SGCD: variants seen among roughly 807,000 people sequenced by gnomAD.
The protein encoded by SGCD is sarcoglycan delta.
A neutral mutation model predicts 36.6 loss-of-function variants in SGCD; 18 were observed. The observed-to-expected ratio is 0.49, with a 90% CI of 0.34 to 0.73. SGCD has a LOEUF of 0.73. Ranked by LOEUF, SGCD falls within the 30% of genes least tolerant of loss-of-function variation. The pLI is 0.01. For synonymous variants in SGCD, 133 were observed against 130.6 expected (o/e 1.02, Z -0.12); for missense variants, 387 against 346.7 (o/e 1.12, Z -0.92).
chr5:156,756,617 A>C (rs1757344701), intron 7 of SGCD, among the ~76,000 whole-genome samples: 1 of 152,252 alleles, frequency 6.6e-6, no homozygotes. Context: ...TATATGAATT[A>C]GGCAAAAAGC....
chr5:156,254,328 C>G lies in SGCD; in HGVS notation c.-43-75206C>G, dbSNP rs528745458. On this transcript the variant is annotated intron_variant, in intron 3 of 9. Coordinates refer to the SGCD transcript ENST00000517913. ...CATGTTGGTGTGCTGCACCCATTAA[C>G]TTGTCATTTAACATTAGGTATATCT... Among the ~76,000 whole-genome samples, 13 of 152,272 alleles carry G rather than the reference C, an allele frequency of 8.5e-5. No individual in the cohort carries two copies. In the South Asian group the frequency reaches 2.1e-3, roughly 24 times the overall value.
At chr5:156,264,863 A>T (rs1008813876) in intron 3 of SGCD, among the ~76,000 whole-genome samples, 14 of 152,178 alleles carry the variant, frequency 9.2e-5, no homozygotes, top group African/African-American at 3.1e-4. Flanking sequence ...TTCAGTAGAC[A>T]TCAAGTAAAT....
chr5:156,603,520 A>G (rs1761286666), intron 6 of SGCD, among the ~76,000 whole-genome samples: 1 of 152,066 alleles, frequency 6.6e-6, no homozygotes. Flanking sequence ...TGCTTAATAT[A>G]AATCATTTTA....
chr5:156,172,834 A>G (rs1381933175), intron 3 of SGCD, among the ~76,000 whole-genome samples: 1 of 148,350 alleles, frequency 6.7e-6, no homozygotes, highest in Middle Eastern at 3.5e-3. Context: ...AATCTTTAGC[A>G]TGTATTCGTG....
chr5:156,417,318 C>G (rs552252935), intron 3 of SGCD, among the ~76,000 whole-genome samples: 6 of 152,226 alleles, frequency 3.9e-5, no homozygotes, highest in Non-Finnish European at 7.4e-5. Context: ...GCATACCTCT[C>G]TAGTCATTAA....
At chr5:156,516,333 A>G (rs1013908652) in intron 4 of SGCD, among the ~76,000 whole-genome samples, 1 of 152,246 alleles carries the variant, frequency 6.6e-6, no homozygotes, top group African/African-American at 2.4e-5. Context: ...GAAGGAGCAG[A>G]CAGCCGTCCT....
the SGCD span, among the ~76,000 whole-genome samples, chr5:155,835,499 C>T: frequency 6.6e-6 from 1 of 152,084 alleles, no homozygotes; most frequent in Admixed American, 6.5e-5. Flanking sequence ...GTGTGTAACA[C>T]ACACATGACT....
At chr5:155,814,605 G>A in the SGCD span, among the ~76,000 whole-genome samples, 16 of 152,126 alleles carry the variant, frequency 1.1e-4, no homozygotes, top group Admixed American at 4.6e-4. Flanking sequence ...ATATTTGAAT[G>A]AATAAATAGA....
At chr5:156,069,055 T>TTCTCCCATTC (rs1010375704) in intron 1 of SGCD, among the ~76,000 whole-genome samples, 10 of 152,166 alleles carry the variant, frequency 6.6e-5, no homozygotes, top group Admixed American at 4.6e-4. Flanking sequence ...TGCAAAAATT[T>TTCTCCCATTC]TCTCCCATTC....
rs1218744103 is a variant in SGCD, at chr5:156,153,250, G to C, written c.-44+29231G>C. On this transcript the variant is annotated intron_variant, in intron 3 of 9. Coordinates refer to the SGCD transcript ENST00000517913. ...TTTCAAAATCAAGTGAGTAAAAAAT[G>C]TTGTTTTTTTTTTTTTCCTGGGAAA... Among the ~76,000 whole-genome samples, 2 of 147,856 alleles carry C rather than the reference G, an allele frequency of 1.4e-5. 1 individual carries two copies. Among genetic ancestry groups the C allele is most frequent in the African/African-American group, 5.1e-5 (2 of 38,858 alleles).
chr5:156,263,357 T>C (rs1406487146), intron 3 of SGCD, among the ~76,000 whole-genome samples: 1 of 152,192 alleles, frequency 6.6e-6, no homozygotes, highest in Non-Finnish European at 1.5e-5. Context: ...ATTAGTGATA[T>C]TGAGCATTTT....
chr5:155,773,737 C>T, the SGCD span, among the ~76,000 whole-genome samples: 3 of 152,036 alleles, frequency 2.0e-5, no homozygotes, highest in Admixed American at 6.6e-5. Context: ...CTGAAAGAGA[C>T]AACATTTGGA....
In SGCD at chr5:156,050,369, A is replaced by G. The variant is rs771061470; in HGVS notation, c.-281-67509A>G. On this transcript the variant is annotated intron_variant, in intron 1 of 9. Transcript: ENST00000517913. Reference sequence around the variant, plus strand: ...GCTAGTTAGTGTTTTTTACTAATAAAGTATTCTTTAAATTATAAAGGGTAC... The same window carrying G: ...GCTAGTTAGTGTTTTTTACTAATAAGGTATTCTTTAAATTATAAAGGGTAC... Among the ~76,000 whole-genome samples the G allele has an allele frequency of 1.4e-5, 2 of 146,776 alleles. 1 individual carries two copies. The highest frequency in any genetic ancestry group is 3.1e-5 in the Non-Finnish European group (2 of 65,070).
intron 7 of SGCD, among the ~76,000 whole-genome samples, chr5:156,681,792 A>G (rs984797178): frequency 1.3e-5 from 2 of 152,238 alleles, no homozygotes; most frequent in African/African-American, 4.8e-5. Context: ...TCATCATTAG[A>G]ATGGTTTTTA....
chr5:155,727,978 C>G, the SGCD span, among the ~76,000 whole-genome samples: 30 of 152,170 alleles, frequency 2.0e-4, no homozygotes, highest in Admixed American at 1.9e-3. Flanking sequence ...CCGCCGCGGC[C>G]GACTGATCTT....
chr5:155,958,879 C>T (rs1267289096), intron 1 of SGCD, among the ~76,000 whole-genome samples: 1 of 152,070 alleles, frequency 6.6e-6, no homozygotes, highest in Non-Finnish European at 1.5e-5. Flanking sequence ...TAAATAATTG[C>T]TGTGTTGAAG....
chr5:155,852,363 A>G, the SGCD span, among the ~76,000 whole-genome samples: 15 of 152,152 alleles, frequency 9.9e-5, no homozygotes, highest in African/African-American at 3.6e-4. Flanking sequence ...CACTAATTTA[A>G]TGGTTTTTTG....
At chr5:156,418,864 G>T (rs2127775863) in intron 3 of SGCD, among the ~76,000 whole-genome samples, 1 of 152,296 alleles carries the variant, frequency 6.6e-6, no homozygotes, top group Non-Finnish European at 1.5e-5. Flanking sequence ...TCTATTGCTA[G>T]ACCAGTGTAC....
chr5:156,262,500 C>A (rs1182478304), intron 3 of SGCD, among the ~76,000 whole-genome samples: 1 of 152,034 alleles, frequency 6.6e-6, no homozygotes, highest in African/African-American at 2.4e-5. Context: ...TTTAATGATA[C>A]TAAGTATTTA....
Sources: allele counts gnomAD v4.1 joint callset (sites outside exome capture counted in the v4.1 genomes callset), GRCh38; gene constraint gnomAD v4.1.1; transcripts MANE v1.5; gene names NCBI Gene and HGNC (gene_info 2026-07-23, HGNC 2026-07-21).